The following FSTL5 variants were observed in gnomAD, a reference collection of about 807,000 sequenced individuals.
The protein encoded by FSTL5 is follistatin-related protein 5.
FSTL5 carries 62 observed loss-of-function variants against 89.1 expected under a neutral mutation model. The observed-to-expected ratio is 0.70, with a 90% CI of 0.57 to 0.86. The LOEUF (loss-of-function observed/expected upper bound fraction) is 0.86. Among genes scored for constraint, FSTL5 ranks in the 40% least tolerant of loss-of-function variants. FSTL5 has a pLI of 0.00. For synonymous variants in FSTL5, 383 were observed against 346.2 expected, an observed-to-expected ratio of 1.11 and a Z score of -1.18; for missense variants, 1,057 against 1,001.6, an observed-to-expected ratio of 1.06 and a Z score of -0.75.
intron 7 of FSTL5, among the ~76,000 whole-genome samples, chr4:161,640,682 A>C (rs1198368042): frequency 7.1e-6 from 1 of 141,466 alleles, no homozygotes; most frequent in Non-Finnish European, 1.5e-5. Context: ...GAATACCATC[A>C]AGAGTTCCAA....
At chr4:161,462,292 G>A (rs1733609062) in intron 13 of FSTL5, among the ~76,000 whole-genome samples, 1 of 152,182 alleles carries the variant, frequency 6.6e-6, no homozygotes, top group Non-Finnish European at 1.5e-5. Context: ...CTGGGAATGT[G>A]TGGATATGTT....
intron 15 of FSTL5, among the ~76,000 whole-genome samples, chr4:161,425,990 G>T (rs1028394823): frequency 6.6e-6 from 1 of 151,688 alleles, no homozygotes; most frequent in African/African-American, 2.4e-5. Flanking sequence ...GATTATTTGG[G>T]AGTTTATCAA....
At chr4:161,951,683 T>G in intron 3 of FSTL5, among the ~76,000 whole-genome samples, 1 of 152,134 alleles carries the variant, frequency 6.6e-6, no homozygotes, top group East Asian at 1.9e-4. Flanking sequence ...ACACATATTA[T>G]ACATAATTGT....
chr4:161,784,118 T>G lies in FSTL5; in HGVS notation c.410-8044A>C, dbSNP rs915276831. Among the ~76,000 whole-genome samples, 3 of 151,786 alleles carry G rather than the reference T, an allele frequency of 2.0e-5. No homozygotes were observed. In the East Asian group the frequency reaches 5.9e-4, roughly 30 times the overall value. On this transcript the variant is annotated intron_variant, in intron 4 of 15. Transcript: ENST00000306100. ...GCCAGGCTAATTTTTGTCTTTTTAA[T>G]ATAGATGGGGTTTTGCCATGTTGGC...
At chr4:161,527,889 C>A (rs1731281138) in intron 10 of FSTL5, among the ~76,000 whole-genome samples, 2 of 150,364 alleles carry the variant, frequency 1.3e-5, no homozygotes, top group South Asian at 2.1e-4. Context: ...AGACTTGGAA[C>A]CAACCCAAAT....
chr4:161,388,867 C>T (rs1211644232), intron 15 of FSTL5, among the ~76,000 whole-genome samples: 4 of 151,944 alleles, frequency 2.6e-5, no homozygotes, highest in Middle Eastern at 3.2e-3. Context: ...TTGATACTAC[C>T]GAATGTACTC....
chr4:161,418,967 A>C (rs1241142041), intron 15 of FSTL5, among the ~76,000 whole-genome samples: 1 of 152,208 alleles, frequency 6.6e-6, no homozygotes, highest in Non-Finnish European at 1.5e-5. Flanking sequence ...GCCCATCTGC[A>C]GTACTTGTAG....
intron 7 of FSTL5, among the ~76,000 whole-genome samples, chr4:161,626,124 A>T: frequency 6.6e-6 from 1 of 152,162 alleles, no homozygotes; most frequent in East Asian, 1.9e-4. Flanking sequence ...CAGAAGAGCT[A>T]GCTAAGATCA....
At chr4:161,595,950 G>A (rs1733999951) in intron 7 of FSTL5, among the ~76,000 whole-genome samples, 1 of 151,834 alleles carries the variant, frequency 6.6e-6, no homozygotes, top group South Asian at 2.1e-4. Flanking sequence ...GATATACACT[G>A]ACATTAAAGT....
intron 1 of FSTL5, among the ~76,000 whole-genome samples, chr4:162,148,714 C>T (rs1561046026): frequency 6.6e-6 from 1 of 152,042 alleles, no homozygotes; most frequent in East Asian, 1.9e-4. Flanking sequence ...TTTTATAATG[C>T]CTTCTAAATA....
chr4:161,568,168 C>T (rs1173249364), intron 8 of FSTL5, among the ~76,000 whole-genome samples: 4 of 151,958 alleles, frequency 2.6e-5, no homozygotes, highest in African/African-American at 7.2e-5. Context: ...CAGCTTTACC[C>T]ACAATGCAGG....
chr4:161,390,967 A>G (rs1170537629), intron 15 of FSTL5, among the ~76,000 whole-genome samples: 2 of 150,858 alleles, frequency 1.3e-5, no homozygotes, highest in African/African-American at 4.9e-5. Flanking sequence ...CTCCAACCCC[A>G]TCATCTACAC....
At chr4:162,149,215 A>G (rs762439529) in intron 1 of FSTL5, among the ~76,000 whole-genome samples, 5 of 152,074 alleles carry the variant, frequency 3.3e-5, no homozygotes, top group Non-Finnish European at 7.4e-5. Context: ...CTTCCCACTA[A>G]AAGTCAATGT....
At chr4:162,063,363 T>C (rs1052954823) in intron 2 of FSTL5, among the ~76,000 whole-genome samples, 1 of 151,864 alleles carries the variant, frequency 6.6e-6, no homozygotes, top group African/African-American at 2.4e-5. Flanking sequence ...ATATTCATTT[T>C]CCACATACAA....
chr4:161,441,768 A>T (rs1366638813), intron 15 of FSTL5, among the ~76,000 whole-genome samples: 2 of 152,114 alleles, frequency 1.3e-5, no homozygotes, highest in Non-Finnish European at 2.9e-5. Context: ...CCTAAATGAA[A>T]TAAAATGTTT....
intron 15 of FSTL5, among the ~76,000 whole-genome samples, chr4:161,413,716 T>C (rs1178224152): frequency 1.3e-5 from 2 of 152,136 alleles, no homozygotes; most frequent in South Asian, 4.1e-4. Flanking sequence ...ACGTGGTAAA[T>C]ACGAACCATG....
At chr4:161,839,606 C>A (rs1156781175) in intron 4 of FSTL5, among the ~76,000 whole-genome samples, 2 of 151,906 alleles carry the variant, frequency 1.3e-5, no homozygotes, top group African/African-American at 2.4e-5. Context: ...TGACAAAAAC[C>A]ATGTATATAC....
At chr4:161,823,033 C>T (rs1259207386) in intron 4 of FSTL5, among the ~76,000 whole-genome samples, 8 of 152,162 alleles carry the variant, frequency 5.3e-5, no homozygotes, top group Non-Finnish European at 1.0e-4. Context: ...CTTTCCACAG[C>T]TGGTTGTCCT....
chr4:162,080,152 A>T (rs1293835639), intron 2 of FSTL5, among the ~76,000 whole-genome samples: 2 of 151,650 alleles, frequency 1.3e-5, no homozygotes, highest in African/African-American at 4.8e-5. Context: ...GAAACAACAT[A>T]GTACTGAGAT....
Sources: allele counts gnomAD v4.1 joint callset (sites outside exome capture counted in the v4.1 genomes callset), GRCh38; gene constraint gnomAD v4.1.1; transcripts MANE v1.5; gene names NCBI Gene and HGNC (gene_info 2026-07-23, HGNC 2026-07-21).